Variants in ZEB1 observed in about 807,000 individuals in gnomAD.
ZEB1 encodes the protein zinc finger E-box binding homeobox 1.
Under a neutral mutation model 84.9 loss-of-function variants are expected in ZEB1, and 21 were observed. The observed-to-expected ratio is 0.25, with a 90% CI of 0.18 to 0.36. ZEB1 has a LOEUF of 0.36. Among genes scored for constraint, ZEB1 ranks in the 10% least tolerant of loss-of-function variants. The pLI is 1.00. For missense variants in ZEB1, 1,104 were observed against 1,330.2 expected, an observed-to-expected ratio of 0.83 and a Z score of 2.65; for synonymous variants, 420 against 471.1, an observed-to-expected ratio of 0.89 and a Z score of 1.41.
At chr10:31,339,403 A>G (rs1425966703) in intron 1 of ZEB1, among the ~76,000 whole-genome samples, 2 of 152,122 alleles carry the variant, frequency 1.3e-5, no homozygotes, top group Admixed American at 6.5e-5. Flanking sequence ...CATGTGTGGC[A>G]TATTGTAAGG....
chr10:31,441,993 AGT>A (rs1564869881), intron 1 of ZEB1, among the ~76,000 whole-genome samples: 1 of 152,250 alleles, frequency 6.6e-6, no homozygotes. Flanking sequence ...TGTGGAAGAC[AGT>A]GTGGCGATTC....
intron 1 of ZEB1, among the ~76,000 whole-genome samples, chr10:31,368,503 A>C (rs1210893833): frequency 7.0e-6 from 1 of 143,076 alleles, no homozygotes; most frequent in African/African-American, 2.6e-5. Context: ...TATAATACCT[A>C]ATACAATACA....
At chr10:31,444,573 C>T (rs1292447636) in intron 1 of ZEB1, among the ~76,000 whole-genome samples, 1 of 151,336 alleles carries the variant, frequency 6.6e-6, no homozygotes, top group Non-Finnish European at 1.5e-5. Flanking sequence ...TTTAATCCAT[C>T]TTGAATTGAT....
chr10:31,431,011 CAAAG>C (rs759875585), intron 1 of ZEB1, among the ~76,000 whole-genome samples: 104 of 152,246 alleles, frequency 6.8e-4, no homozygotes, highest in African/African-American at 2.4e-3. Context: ...TAAATCAGTA[CAAAG>C]AGTGTATTTG....
intron 1 of ZEB1, among the ~76,000 whole-genome samples, chr10:31,433,075 G>A (rs1370040328): frequency 6.6e-6 from 1 of 152,114 alleles, no homozygotes; most frequent in Non-Finnish European, 1.5e-5. Flanking sequence ...GTTTAGTTGT[G>A]ATGTAAAATA....
chr10:31,410,147 G>T (rs1268586605), intron 1 of ZEB1, among the ~76,000 whole-genome samples: 2 of 152,198 alleles, frequency 1.3e-5, no homozygotes, highest in East Asian at 1.9e-4. Flanking sequence ...CTGTGGGTTT[G>T]TCATAAATGG....
chr10:31,440,719 C>A (rs935384103), intron 1 of ZEB1, among the ~76,000 whole-genome samples: 8 of 152,182 alleles, frequency 5.3e-5, no homozygotes, highest in Non-Finnish European at 7.3e-5. Context: ...TCTCAGGATA[C>A]AAAATCTATG....
At chr10:31,384,382 C>G (rs1035790788) in intron 1 of ZEB1, among the ~76,000 whole-genome samples, 1 of 152,158 alleles carries the variant, frequency 6.6e-6, no homozygotes, top group Admixed American at 6.5e-5. Flanking sequence ...GAAACTCTTA[C>G]AGCCATGTGA....
intron 8 of ZEB1, 60 bp downstream of exon 8, chr10:31,524,173 T>A: frequency 6.6e-7 from 1 of 1,522,428 alleles, no homozygotes; most frequent in Non-Finnish European, 9.0e-7. Flanking sequence ...AGATGCAAAA[T>A]TAAAAACTAA....
intron 2 of ZEB1, among the ~76,000 whole-genome samples, chr10:31,466,654 T>A (rs1320639296): frequency 6.6e-6 from 1 of 152,056 alleles, no homozygotes; most frequent in Non-Finnish European, 1.5e-5. Flanking sequence ...ACATTAAGAA[T>A]AAGGAATGAT....
intron 8 of ZEB1, among the ~76,000 whole-genome samples, chr10:31,525,421 G>C (rs775678793): frequency 6.6e-6 from 1 of 152,170 alleles, no homozygotes; most frequent in Non-Finnish European, 1.5e-5. Context: ...CTCCCATCAT[G>C]GTGGATTTCG....
chr10:31,318,913 C>T, upstream of ZEB1: 1 of 430,356 alleles, frequency 2.3e-6, no homozygotes, highest in South Asian at 2.1e-5. Flanking sequence ...ACTCCGACAG[C>T]CCGTCGCCTT....
At chr10:31,391,336 C>G (rs910466286) in intron 1 of ZEB1, among the ~76,000 whole-genome samples, 9 of 151,368 alleles carry the variant, frequency 5.9e-5, no homozygotes, top group African/African-American at 2.2e-4. Flanking sequence ...TGCCCCTCCC[C>G]CAAAACAGTC....
chr10:31,362,967 C>T, intron 1 of ZEB1: 1 of 1,534,042 alleles, frequency 6.5e-7, no homozygotes, highest in Non-Finnish European at 8.7e-7. Flanking sequence ...CCAACAGTGC[C>T]TCAGGAGATA....
chr10:31,368,196 G>A (rs902752299), intron 1 of ZEB1, among the ~76,000 whole-genome samples: 4 of 151,800 alleles, frequency 2.6e-5, no homozygotes, highest in Non-Finnish European at 5.9e-5. Context: ...GCTCTGTCGC[G>A]CAGGCTTGAG....
intron 2 of ZEB1, among the ~76,000 whole-genome samples, chr10:31,463,798 G>A (rs759953517): frequency 6.6e-6 from 1 of 152,150 alleles, no homozygotes; most frequent in Non-Finnish European, 1.5e-5. Flanking sequence ...ATTGGCACCA[G>A]GCAGAAGTAA....
chr10:31,491,725 C>T (rs1027292803), intron 2 of ZEB1, among the ~76,000 whole-genome samples: 1 of 151,898 alleles, frequency 6.6e-6, no homozygotes, highest in Non-Finnish European at 1.5e-5. Context: ...CAGTAGCAGA[C>T]ATAAACAGTT....
At chr10:31,356,758 C>T (rs1178503228) in intron 1 of ZEB1, among the ~76,000 whole-genome samples, 1 of 152,090 alleles carries the variant, frequency 6.6e-6, no homozygotes, top group Non-Finnish European at 1.5e-5. Flanking sequence ...AGAATTAGGC[C>T]ATTTAGGGAA....
chr10:31,465,459 A>AATAT (rs372982155), intron 2 of ZEB1, among the ~76,000 whole-genome samples: 5 of 149,850 alleles, frequency 3.3e-5, no homozygotes, highest in South Asian at 2.1e-4. Flanking sequence ...GATTGCAAAA[A>AATAT]ATATATATAT....
Sources: gnomAD v4.1 joint callset for allele counts (sites outside exome capture counted in the v4.1 genomes callset) on GRCh38, gnomAD v4.1.1 for gene constraint, MANE v1.5 for transcripts, NCBI Gene and HGNC (gene_info 2026-07-23, HGNC 2026-07-21) for gene names.